CACNB2: variants seen among roughly 807,000 people sequenced by gnomAD.
The protein encoded by CACNB2 is calcium voltage-gated channel auxiliary subunit beta 2.
In CACNB2, 42 loss-of-function variants were observed where a neutral mutation model predicts 73.3. That is an observed-to-expected ratio of 0.57 (90% CI 0.45 to 0.74). CACNB2 has a LOEUF of 0.74. Among genes scored for constraint, CACNB2 ranks in the 30% least tolerant of loss-of-function variants. The pLI, the probability that CACNB2 is intolerant of heterozygous loss-of-function variation, is 0.00. For synonymous variants in CACNB2, 348 were observed against 310.3 expected (o/e 1.12, Z -1.28); for missense variants, 940 against 853.0 (o/e 1.10, Z -1.27).
chr10:18,455,500 A>G (rs2047234848), intron 3 of CACNB2, among the ~76,000 whole-genome samples: 1 of 152,216 alleles, frequency 6.6e-6, no homozygotes, highest in Non-Finnish European at 1.5e-5. Flanking sequence ...TTCTGTTGGG[A>G]ACACCTGTGT....
chr10:18,358,454 G>C (rs559269695), intron 2 of CACNB2, among the ~76,000 whole-genome samples: 2 of 145,680 alleles, frequency 1.4e-5, no homozygotes, highest in East Asian at 4.5e-4. Flanking sequence ...TAGAACCTAG[G>C]AATACAGCAA....
At chr10:18,538,397 ACAAT>A (rs764624685) in intron 13 of CACNB2, 32 bp downstream of exon 13, 14 of 1,598,368 alleles carry the variant, frequency 8.8e-6, no homozygotes, top group Non-Finnish European at 1.1e-5. Flanking sequence ...ATCTATATAT[ACAAT>A]CTTCATAGAA....
intron 2 of CACNB2, among the ~76,000 whole-genome samples, chr10:18,253,719 C>G (rs936026810): frequency 6.6e-6 from 1 of 152,182 alleles, no homozygotes; most frequent in Non-Finnish European, 1.5e-5. Context: ...ACTTCCTCCA[C>G]TCCCTGTAAT....
At chr10:18,236,503 G>A (rs545554210) in intron 2 of CACNB2, among the ~76,000 whole-genome samples, 2 of 152,296 alleles carry the variant, frequency 1.3e-5, no homozygotes, top group East Asian at 3.9e-4. Flanking sequence ...TATTTCCAGA[G>A]CCCCTCAGTA....
At chr10:18,283,331 A>AC (rs1338025292) in intron 2 of CACNB2, among the ~76,000 whole-genome samples, 5 of 152,220 alleles carry the variant, frequency 3.3e-5, no homozygotes, top group African/African-American at 1.2e-4. Flanking sequence ...TATATACCCA[A>AC]AGGATTATAC....
chr10:18,350,571 A>G (rs2041666134), intron 2 of CACNB2, among the ~76,000 whole-genome samples: 2 of 152,108 alleles, frequency 1.3e-5, no homozygotes, highest in Admixed American at 6.6e-5. Flanking sequence ...GGTTCCCTTA[A>G]TCTTCACCCA....
intron 2 of CACNB2, among the ~76,000 whole-genome samples, chr10:18,281,623 C>G (rs922760073): frequency 6.6e-6 from 1 of 152,208 alleles, no homozygotes. Context: ...TAACAGACCT[C>G]TTTCCCAAAA....
At chr10:18,236,824 A>G (rs1172946148) in intron 2 of CACNB2, among the ~76,000 whole-genome samples, 2 of 151,990 alleles carry the variant, frequency 1.3e-5, no homozygotes, top group African/African-American at 4.8e-5. Flanking sequence ...CTTATTCAGA[A>G]CTTTGCAGTC....
intron 3 of CACNB2, among the ~76,000 whole-genome samples, chr10:18,480,784 C>T (rs928454599): frequency 1.2e-4 from 19 of 152,168 alleles, no homozygotes; most frequent in African/African-American, 4.1e-4. Flanking sequence ...AAAATTAGCA[C>T]ATCTCCCTGG....
At chr10:18,358,553 GCT>G (rs375264403) in intron 2 of CACNB2, among the ~76,000 whole-genome samples, 7 of 35,028 alleles carry the variant, frequency 2.0e-4, no homozygotes, top group East Asian at 4.2e-4. Flanking sequence ...TCTCTCTCTC[GCT>G]CTCTCTCTCT....
intron 3 of CACNB2, among the ~76,000 whole-genome samples, chr10:18,490,246 T>C (rs951225352): frequency 6.6e-6 from 1 of 152,202 alleles, no homozygotes; most frequent in African/African-American, 2.4e-5. Context: ...ACGAATTTAT[T>C]TTGAGGATCT....
intron 3 of CACNB2, among the ~76,000 whole-genome samples, chr10:18,418,077 T>C (rs543119458): frequency 2.0e-5 from 3 of 152,196 alleles, no homozygotes; most frequent in East Asian, 1.9e-4. Flanking sequence ...TGTTTGTTTG[T>C]TTATTTGTTT....
At chr10:18,459,607 CT>C (rs1554823347) in intron 3 of CACNB2, among the ~76,000 whole-genome samples, 1 of 152,172 alleles carries the variant, frequency 6.6e-6, no homozygotes, top group Non-Finnish European at 1.5e-5. Flanking sequence ...TTATTTCTCC[CT>C]TTTTTATTAT....
At chr10:18,240,154 T>C (rs1005931998) in intron 2 of CACNB2, among the ~76,000 whole-genome samples, 22 of 152,220 alleles carry the variant, frequency 1.4e-4, no homozygotes, top group African/African-American at 5.3e-4. Flanking sequence ...TAACAAAAAC[T>C]ATGAGTATTC....
At chr10:18,478,835 G>A (rs1024698410) in intron 3 of CACNB2, among the ~76,000 whole-genome samples, 1 of 152,142 alleles carries the variant, frequency 6.6e-6, no homozygotes, top group Non-Finnish European at 1.5e-5. Flanking sequence ...GGGAGGGGAA[G>A]CAGAAACCAT....
At chr10:18,186,360 G>A (rs938567591) in intron 2 of CACNB2, among the ~76,000 whole-genome samples, 5 of 151,892 alleles carry the variant, frequency 3.3e-5, no homozygotes, top group South Asian at 2.1e-4. Flanking sequence ...CGGAGGCTGC[G>A]GTGAGCTGAG....
chr10:18,218,885 C>G (rs560433832), intron 2 of CACNB2, among the ~76,000 whole-genome samples: 1 of 150,924 alleles, frequency 6.6e-6, no homozygotes, highest in Non-Finnish European at 1.5e-5. Context: ...TACTTCTGGC[C>G]AAGCACAGTG....
intron 9 of CACNB2, among the ~76,000 whole-genome samples, chr10:18,524,206 G>GT (rs2052210095): frequency 6.7e-6 from 1 of 149,744 alleles, no homozygotes; most frequent in Non-Finnish European, 1.5e-5. Context: ...ATAAATTCAC[G>GT]GTTTTTTTTT....
chr10:18,162,664 A>G (rs2032552014), intron 2 of CACNB2, among the ~76,000 whole-genome samples: 2 of 152,216 alleles, frequency 1.3e-5, no homozygotes, highest in East Asian at 1.9e-4. Context: ...GAAGAGCTCA[A>G]GGGGTCAGAC....
Sources: allele counts gnomAD v4.1 joint callset (sites outside exome capture counted in the v4.1 genomes callset), GRCh38; gene constraint gnomAD v4.1.1; transcripts MANE v1.5; gene names NCBI Gene and HGNC (gene_info 2026-07-23, HGNC 2026-07-21).